Variants in TENT4B observed in about 807,000 individuals in gnomAD.
The protein encoded by TENT4B is terminal nucleotidyltransferase 4B, also known as PAP associated domain containing 5.
In TENT4B, 10 loss-of-function variants were observed where a neutral mutation model predicts 75.0. The observed-to-expected ratio is 0.13, with a 90% CI of 0.08 to 0.23. The LOEUF is 0.23. Ranked by LOEUF, TENT4B falls within the 10% of genes least tolerant of loss-of-function variation. The pLI is 1.00. For missense variants in TENT4B, 579 were observed against 893.8 expected (o/e 0.65, Z 4.49); for synonymous variants, 350 against 357.7 (o/e 0.98, Z 0.24).
chr16:50,214,164 A>T, intron 2 of TENT4B, 57 bp from the exon 3 acceptor site: 1 of 1,329,526 alleles, frequency 7.5e-7, no homozygotes, highest in South Asian at 1.2e-5. Context: ...TTGGTGACTC[A>T]ATATGATAAC....
At chr16:50,213,316 C>T (rs893397977) in intron 2 of TENT4B, among the ~76,000 whole-genome samples, 19 of 152,206 alleles carry the variant, frequency 1.2e-4, no homozygotes, top group African/African-American at 4.1e-4. Context: ...GCCTTGGCCT[C>T]CCAAAGTGCT....
chr16:50,195,871 A>G (rs1045374476), intron 1 of TENT4B, among the ~76,000 whole-genome samples: 1 of 152,212 alleles, frequency 6.6e-6, no homozygotes, highest in African/African-American at 2.4e-5. Flanking sequence ...TTCAGGAATA[A>G]AGATAACTTC....
At chr16:50,214,165 A>G (rs2031429562) in intron 2 of TENT4B, 56 bp from the exon 3 acceptor site, 3 of 1,342,994 alleles carry the variant, frequency 2.2e-6, no homozygotes, top group Non-Finnish European at 3.2e-6. Flanking sequence ...TGGTGACTCA[A>G]TATGATAACA....
intron 1 of TENT4B, among the ~76,000 whole-genome samples, chr16:50,168,332 CTCT>C (rs1348909781): frequency 6.6e-6 from 1 of 151,318 alleles, no homozygotes; most frequent in Non-Finnish European, 1.5e-5. Context: ...TGGAGTTTTG[CTCT>C]TCTTGCCCAG....
In TENT4B at chr16:50,231,213, T is replaced by G. The variant is rs2032283342; in HGVS notation, c.*1885T>G. 1 of 985,092 alleles carries G rather than the reference T, an allele frequency of 1.0e-6. No individual in the cohort carries two copies. Among genetic ancestry groups the G allele is most frequent in the African/African-American group, 1.7e-5 (1 of 57,226 alleles). 61.0% of individuals were successfully genotyped at this position (985,092 alleles called of 1,614,324 possible). ...TTTGACAATGTTTTAAATTTTAGAG[T>G]CACATTTTATTCTGATCAGAATTTT... is the stretch of plus-strand genomic sequence containing the variant. On this transcript the variant is annotated 3_prime_UTR_variant, in exon 12 of 12. Transcript: ENST00000561678.
rs1017550522 is a variant in TENT4B, at chr16:50,153,891, G to A, written c.270G>A (p.Leu90=). ...GCATGTATCGCTCCGGGGAGCGCCT[G>A]CTGGGCAGCCACGCGCTGCCCGCGG... is the stretch of plus-strand genomic sequence containing the variant. ...PAGMYRSGER[L]LGSHALPAEQ... Residue 90 remains leucine (L), a synonymous_variant, in exon 1 of 12, where the codon CTG becomes CTA. Coordinates refer to ENST00000561678, the MANE Select transcript of TENT4B (RefSeq NM_001365324.3). 6 of 1,518,806 alleles carry A rather than the reference G, an allele frequency of 4.0e-6. No individual in the cohort carries two copies. The highest frequency in any genetic ancestry group is 5.3e-6 in the Non-Finnish European group (6 of 1,140,416). 94.1% of individuals were successfully genotyped at this position (1,518,806 alleles called of 1,614,324 possible). A position where few individuals can be genotyped will look rare whatever the true frequency, so the allele number is the denominator to read the frequency against.
In TENT4B at chr16:50,229,388, G is replaced by T; in HGVS notation, c.*60G>T. 3.9e-6 allele frequency: 6 copies of T among 1,532,600 alleles called. 1 individual carries two copies. The South Asian group carries it at 5.4e-5, about 14-fold the overall frequency. The allele number at this position is 1,532,600 out of a possible 1,614,324, so 94.9% of individuals were successfully genotyped here. ...ATGATCTCATGCTCAGGACAGTTGC[G>T]CAGGGACTCCTGGGAGATATTCAGG... is the stretch of plus-strand genomic sequence containing the variant. On this transcript the variant is annotated 3_prime_UTR_variant, in exon 12 of 12. Coordinates refer to ENST00000561678, the MANE Select transcript of TENT4B (RefSeq NM_001365324.3).
chr16:50,166,080 C>CTT (rs34403390), intron 1 of TENT4B, among the ~76,000 whole-genome samples: 81 of 117,536 alleles, frequency 6.9e-4, no homozygotes, highest in African/African-American at 1.7e-3. Flanking sequence ...CTTGACAGCA[C>CTT]TTTTTTTTTT....
At chr16:50,190,470 T>C (rs1360693853) in intron 1 of TENT4B, among the ~76,000 whole-genome samples, 1 of 152,038 alleles carries the variant, frequency 6.6e-6, no homozygotes, top group East Asian at 1.9e-4. Flanking sequence ...CATTCAGTCC[T>C]CATGGCCCAA....
In TENT4B at chr16:50,230,031, G is replaced by A. The variant is rs9931139; in HGVS notation, c.*703G>A. 10,566 of 984,066 alleles carry A rather than the reference G, an allele frequency of 0.011. 72 individuals carry two copies. Among genetic ancestry groups the A allele is most frequent in the Non-Finnish European group, 0.011 (9,317 of 828,976 alleles). 61.0% of individuals were successfully genotyped at this position (984,066 alleles called of 1,614,324 possible). A position where few individuals can be genotyped will look rare whatever the true frequency, so the allele number is the denominator to read the frequency against. On this transcript the variant is annotated 3_prime_UTR_variant, in exon 12 of 12. Transcript: ENST00000561678. The stretch of plus-strand genomic sequence containing the variant: ...AATTTGTTTTTCTCAGCATTGAAAT[G>A]ACTTAATAGAACCCTTGTGTCCTGC...
At chr16:50,163,003 A>T (rs1029125626) in intron 1 of TENT4B, among the ~76,000 whole-genome samples, 5 of 152,156 alleles carry the variant, frequency 3.3e-5, no homozygotes, top group Non-Finnish European at 7.3e-5. Context: ...TAGATACTTG[A>T]TCTTCAAATC....
At chr16:50,162,605 C>T (rs1421044096) in intron 1 of TENT4B, among the ~76,000 whole-genome samples, 1 of 152,092 alleles carries the variant, frequency 6.6e-6, no homozygotes, top group East Asian at 1.9e-4. Context: ...CAGTATTGAA[C>T]TTTCTCAATG....
At chr16:50,193,331 G>GTTTTTT (rs774084083) in intron 1 of TENT4B, among the ~76,000 whole-genome samples, 12 of 101,484 alleles carry the variant, frequency 1.2e-4, no homozygotes, top group Admixed American at 2.4e-4. Context: ...AGTTCCTGGA[G>GTTTTTT]TTTTTTTTTT....
At chr16:50,153,020 C>T (rs1210477131), upstream of TENT4B, 6 of 1,515,578 alleles carry the variant, frequency 4.0e-6, no homozygotes, top group East Asian at 1.0e-4. Flanking sequence ...CTCAGAAGCT[C>T]CCGGACGCCC....
intron 1 of TENT4B, among the ~76,000 whole-genome samples, chr16:50,181,146 T>A (rs2038407072): frequency 6.6e-6 from 1 of 152,254 alleles, no homozygotes; most frequent in African/African-American, 2.4e-5. Context: ...AAAATTGGTC[T>A]TGTACAAAAG....
At chr16:50,187,971 G>C (rs1376271258) in intron 1 of TENT4B, among the ~76,000 whole-genome samples, 1 of 152,054 alleles carries the variant, frequency 6.6e-6, no homozygotes, top group Non-Finnish European at 1.5e-5. Context: ...AGCTTACTCT[G>C]TTGTCCAGGC....
chr16:50,207,783 C>G (rs2031065080), intron 1 of TENT4B, among the ~76,000 whole-genome samples: 1 of 152,168 alleles, frequency 6.6e-6, no homozygotes, highest in South Asian at 2.1e-4. Flanking sequence ...AGCAAGCCTA[C>G]AAAATTCCTC....
At chr16:50,186,465 A>G (rs1298220413) in intron 1 of TENT4B, among the ~76,000 whole-genome samples, 2 of 151,958 alleles carry the variant, frequency 1.3e-5, no homozygotes, top group Admixed American at 1.3e-4. Flanking sequence ...TATATACCAC[A>G]TTTTGTTTTT....
chr16:50,195,714 C>G (rs1463211823), intron 1 of TENT4B, among the ~76,000 whole-genome samples: 1 of 152,148 alleles, frequency 6.6e-6, no homozygotes, highest in Non-Finnish European at 1.5e-5. Flanking sequence ...AATGAGGCCT[C>G]TTTAAAATTA....
Sources: gnomAD v4.1 joint callset for allele counts (sites outside exome capture counted in the v4.1 genomes callset) on GRCh38, gnomAD v4.1.1 for gene constraint, MANE v1.5 for transcripts, NCBI Gene and HGNC (gene_info 2026-07-23, HGNC 2026-07-21) for gene names.